Variants in EFCAB6 observed in about 807,000 individuals in gnomAD.
The protein encoded by EFCAB6 is EF-hand calcium binding domain 6.
In EFCAB6, 156 loss-of-function variants were observed where a neutral mutation model predicts 169.8. The ratio of observed to expected loss-of-function variants is 0.92; its 90% CI spans 0.81 to 1.05. The LOEUF is 1.05. Among genes scored for constraint, EFCAB6 ranks in the 50% least tolerant of loss-of-function variants. The probability of loss-of-function intolerance (pLI) is 0.00; values close to 1 mark genes in which losing one functional copy is unlikely to be tolerated. For synonymous variants in EFCAB6, 698 were observed against 676.4 expected, an observed-to-expected ratio of 1.03 and a Z score of -0.50; for missense variants, 1,800 against 1,829.1, an observed-to-expected ratio of 0.98 and a Z score of 0.29.
At chr22:43,606,902 C>T (rs184343003) in intron 22 of EFCAB6, among the ~76,000 whole-genome samples, 406 of 152,334 alleles carry the variant, frequency 2.7e-3, no homozygotes, top group Non-Finnish European at 4.2e-3. Context: ...CACATGGCAA[C>T]CCTTGTGGGG....
Position 43,667,146 on chromosome 22 carries a change from G to C in EFCAB6, c.1941C>G (p.Ser647Arg). The C allele has an allele frequency of 6.2e-7, 1 of 1,614,078 alleles. No homozygotes were observed. ...PAFKKRFLDF[S>R]KEPNGKINVH... ...CGTTAATTTTTCCATTAGGCTCCTT[G>C]CTGAAGTCAAGAAATCGTTTTTTGA... The change falls in exon 17 of 32, where the codon AGC (serine) becomes AGG (arginine). Residue 647 changes from serine to arginine, a missense_variant. By Grantham distance (110) the Ser-to-Arg change is moderately radical. Transcript: ENST00000262726.
chr22:43,782,353 T>G, intron 2 of EFCAB6, 28 bp from the exon 3 acceptor site: 1 of 1,605,564 alleles, frequency 6.2e-7, no homozygotes, highest in Non-Finnish European at 8.5e-7. Context: ...ACAGATTACG[T>G]TACCTTAAAG....
chr22:43,589,962 G>A, intron 24 of EFCAB6, 112 bp downstream of exon 24: 1 of 1,352,346 alleles, frequency 7.4e-7, no homozygotes, highest in Non-Finnish European at 1.0e-6. Context: ...AGACATGGAG[G>A]GTATTTTCAT....
In EFCAB6 at chr22:43,537,513, A is replaced by C. The variant is rs1248552759; in HGVS notation, c.3912T>G (p.Thr1304=). Reference sequence around the variant, plus strand: ...TGGGATCACAGTTCTGCAAGGGTGGAGTGCCCGGGATCACGGTGGTGCTCG... The same window carrying C: ...TGGGATCACAGTTCTGCAAGGGTGGCGTGCCCGGGATCACGGTGGTGCTCG... ...TPASTTVIPG[T]PPLQNCDPIE... is the part of the protein sequence containing the mutation. The change falls in exon 29 of 32, where the codon ACT becomes ACG. Residue 1304 remains threonine (T), a synonymous_variant. Coordinates refer to ENST00000262726, the MANE Select transcript of EFCAB6 (RefSeq NM_022785.4). The surrounding 1 kb of genome is among the most constrained non-coding windows in gnomAD (Gnocchi z 4.3). 4 of 1,614,026 alleles carry C rather than the reference A, an allele frequency of 2.5e-6. No individual in the cohort carries two copies. Among genetic ancestry groups the C allele is most frequent in the Middle Eastern group, 1.6e-4 (1 of 6,062 alleles).
In EFCAB6 at chr22:43,580,533, C is replaced by G; in HGVS notation, c.3159G>C (p.Thr1053=). The change falls in exon 25 of 32, where the codon ACG becomes ACC. Residue 1053 remains threonine (T), a synonymous_variant. Transcript: ENST00000262726. ...TCCTCACAGCCTCCTGTGGATTCAG[C>G]GTTGCAAAATTGATTGGCATGCTCT... ...KEESMPINFA[T]LNPQEAVRKI... 1.2e-6 allele frequency: 2 copies of G among 1,614,100 alleles called. No homozygotes were observed. The highest frequency in any genetic ancestry group is 1.7e-6 in the Non-Finnish European group (2 of 1,179,990).
Position 43,658,000 on chromosome 22 carries a change from C to T in EFCAB6, c.1983+9104G>A, listed in dbSNP as rs184335928. ...TCCCAGCACTTTGGGAGGCTGAGGC[C>T]GGTGGATCACCTGAGGTCAGCAGTT... On this transcript the variant is annotated intron_variant, in intron 17 of 31. Coordinates refer to ENST00000262726, the MANE Select transcript of EFCAB6 (RefSeq NM_022785.4). Among the ~76,000 whole-genome samples, 511 of 151,990 alleles carry T rather than the reference C, an allele frequency of 3.4e-3. 1 individual carries two copies. Among genetic ancestry groups the T allele is most frequent in the Non-Finnish European group, 4.5e-3 (308 of 67,944 alleles).
intron 6 of EFCAB6, among the ~76,000 whole-genome samples, chr22:43,752,470 CCG>C (rs1210681924): frequency 6.6e-6 from 1 of 152,204 alleles, no homozygotes; most frequent in Non-Finnish European, 1.5e-5. Flanking sequence ...GTTCAGACAT[CCG>C]CCCTTCTTGG....
intron 10 of EFCAB6, among the ~76,000 whole-genome samples, chr22:43,708,633 T>C (rs2059045798): frequency 6.6e-6 from 1 of 151,908 alleles, no homozygotes; most frequent in Non-Finnish European, 1.5e-5. Flanking sequence ...AATATCACAA[T>C]AAAAGAGTAA....
intron 17 of EFCAB6, among the ~76,000 whole-genome samples, chr22:43,647,463 C>T (rs887341454): frequency 6.6e-6 from 1 of 152,154 alleles, no homozygotes; most frequent in Non-Finnish European, 1.5e-5. Context: ...ACTGGGAATA[C>T]AATAGTGAAC....
intron 20 of EFCAB6, among the ~76,000 whole-genome samples, chr22:43,622,994 C>A (rs1360898036): frequency 1.3e-5 from 2 of 152,044 alleles, no homozygotes; most frequent in Non-Finnish European, 2.9e-5. Context: ...ATGGCTAAGG[C>A]AAGAAAATTT....
At chr22:43,701,348 T>C (rs1603246942) in intron 10 of EFCAB6, among the ~76,000 whole-genome samples, 1 of 152,226 alleles carries the variant, frequency 6.6e-6, no homozygotes, top group African/African-American at 2.4e-5. Flanking sequence ...TTATTAGTCA[T>C]AAGTCCTCAA....
intron 10 of EFCAB6, among the ~76,000 whole-genome samples, chr22:43,690,296 G>A (rs552061530): frequency 1.3e-3 from 195 of 144,802 alleles, no homozygotes; most frequent in African/African-American, 5.0e-3. Context: ...TCAGGAGATC[G>A]AGACCATCCT....
chr22:43,580,470 C>A lies in EFCAB6; in HGVS notation c.3222G>T (p.Leu1074Phe), dbSNP rs769572783. 1.9e-6 allele frequency: 3 copies of A among 1,614,010 alleles called. No homozygotes were observed. Among genetic ancestry groups the A allele is most frequent in the South Asian group, 2.2e-5 (2 of 91,052 alleles). ...QEVVESSQLA[L>F]STAFSALDKE... ...CACTTTCAGCCTGTCATACCGTGGA[C>A]AAAGCCAGCTGGGAGGACTCAACTA... The change falls in exon 25 of 32, where the codon TTG becomes TTT. Residue 1074 changes from leucine (L) to phenylalanine (F), a missense_variant. Leu to Phe is a conservative substitution (Grantham distance 22). Coordinates refer to ENST00000262726, the MANE Select transcript of EFCAB6 (RefSeq NM_022785.4).
intron 17 of EFCAB6, among the ~76,000 whole-genome samples, chr22:43,657,430 A>C (rs2056805100): frequency 6.6e-6 from 1 of 151,576 alleles, no homozygotes; most frequent in African/African-American, 2.4e-5. Context: ...TCAATCATTA[A>C]AAAAAAAACA....
chr22:43,763,653 T>C (rs1331009320), intron 5 of EFCAB6, among the ~76,000 whole-genome samples: 1 of 152,228 alleles, frequency 6.6e-6, no homozygotes, highest in Non-Finnish European at 1.5e-5. Context: ...TTCTGTGATT[T>C]TGTCCATATT....
chr22:43,717,046 C>G (rs2059355422), intron 8 of EFCAB6, 74 bp from the exon 9 acceptor site: 1 of 1,386,972 alleles, frequency 7.2e-7, no homozygotes, highest in Admixed American at 2.9e-5. Context: ...TCATTTTAAT[C>G]ATTACTTGTT....
chr22:43,799,328 T>TA (rs2062620188), intron 2 of EFCAB6, among the ~76,000 whole-genome samples: 11 of 88,436 alleles, frequency 1.2e-4, no homozygotes, highest in Non-Finnish European at 1.8e-4. Context: ...AGAATCTGTC[T>TA]CCACACACAC....
intron 2 of EFCAB6, among the ~76,000 whole-genome samples, chr22:43,806,315 T>C (rs1475986632): frequency 2.0e-5 from 3 of 151,600 alleles, no homozygotes; most frequent in Non-Finnish European, 2.9e-5. Flanking sequence ...AGTGGTGCAA[T>C]CTTGGCTCAC....
intron 6 of EFCAB6, among the ~76,000 whole-genome samples, chr22:43,736,889 C>A (rs1475973937): frequency 1.3e-5 from 2 of 152,096 alleles, no homozygotes; most frequent in East Asian, 3.9e-4. Context: ...AGCCGCCCAC[C>A]CCCCATCTTT....
Sources: gnomAD v4.1 joint callset for allele counts (sites outside exome capture counted in the v4.1 genomes callset) on GRCh38, gnomAD v4.1.1 for gene constraint, Gnocchi (gnomAD v3.1) non-coding constraint, MANE v1.5 for transcripts, NCBI Gene and HGNC (gene_info 2026-07-23, HGNC 2026-07-21) for gene names.